The following SACM1L variants were observed in gnomAD, a reference collection of about 807,000 sequenced individuals.
SACM1L encodes the protein phosphatidylinositol-3-phosphatase SAC1.
A neutral mutation model predicts 89.5 loss-of-function variants in SACM1L; 32 were observed. The observed-to-expected ratio is 0.36, with a 90% CI of 0.27 to 0.48. The LOEUF is 0.48. SACM1L is among the 20% of genes least tolerant of loss of function. The pLI, the probability that SACM1L is intolerant of heterozygous loss-of-function variation, is 0.99. For missense variants in SACM1L, 543 were observed against 708.5 expected (o/e 0.77, Z 2.65); for synonymous variants, 213 against 232.8 (o/e 0.92, Z 0.77).
chr3:45,738,866 T>C lies in SACM1L; in HGVS notation c.1562T>C (p.Phe521Ser). 1 of 1,598,076 alleles carries C rather than the reference T, an allele frequency of 6.3e-7. No homozygotes were observed. Among genetic ancestry groups the C allele is most frequent in the Non-Finnish European group, 8.6e-7 (1 of 1,167,938 alleles). ...TTAAGTGTTCCAAGGGACTGGAAAT[T>C]CCTGGCTGTAAGAAACCATTTTGTA... ...SPLSVPRDWK[F>S]LALPIIMVVA... Residue 521 changes from phenylalanine (F) to serine (S), a missense_variant, in exon 18 of 20, where the codon TTC (phenylalanine) becomes TCC (serine). Around this residue, in one of 2 missense-constraint regions of SACM1L, gnomAD observed 370 missense variants for 527.6 expected, o/e 0.70. Transcript: ENST00000389061.
intron 1 of SACM1L, among the ~76,000 whole-genome samples, chr3:45,698,665 C>T (rs1463101908): frequency 1.3e-5 from 2 of 152,220 alleles, no homozygotes; most frequent in Admixed American, 1.3e-4. Flanking sequence ...ATTCTCCTGC[C>T]TCAGCCTCCT....
At chr3:45,735,095 C>T (rs1699170178) in intron 13 of SACM1L, 140 bp from the exon 14 acceptor site, 3 of 803,050 alleles carry the variant, frequency 3.7e-6, no homozygotes, top group African/African-American at 1.8e-5. Context: ...ATCACATATG[C>T]CTGACCACAC....
chr3:45,706,995 A>G, intron 4 of SACM1L, 88 bp downstream of exon 4: 2 of 1,244,962 alleles, frequency 1.6e-6, no homozygotes, highest in South Asian at 1.3e-5. Flanking sequence ...TGGAATACAA[A>G]GAATGCTATA....
intron 3 of SACM1L, 110 bp from the exon 4 acceptor site, chr3:45,706,670 A>G (rs1211785794): frequency 5.9e-6 from 5 of 845,138 alleles, no homozygotes; most frequent in Admixed American, 2.9e-5. Context: ...TCTGAGTGGC[A>G]CAATATAGTC....
At chr3:45,743,489 T>C in intron 19 of SACM1L, 44 bp from the exon 20 acceptor site, 6 of 1,570,182 alleles carry the variant, frequency 3.8e-6, no homozygotes, top group East Asian at 2.3e-5. Flanking sequence ...GGGTCTGATA[T>C]CAACAAACGA....
Position 45,706,927 on chromosome 3 carries a change from A to T in SACM1L, c.333+20A>T, listed in dbSNP as rs1698411245. On this transcript the variant is annotated intron_variant, in intron 4 of 19. Coordinates refer to ENST00000389061, the MANE Select transcript of SACM1L (RefSeq NM_014016.5). ...ATTCAGGTAAGAACTGGAAATTGTTACTAATTGCAGCGCCCAAAGAAGTAG... is the reference window on the plus strand; with the variant it reads ...ATTCAGGTAAGAACTGGAAATTGTTTCTAATTGCAGCGCCCAAAGAAGTAG... 6.2e-7 allele frequency: 1 copy of T among 1,611,434 alleles called. No individual in the cohort carries two copies. The highest frequency in any genetic ancestry group is 1.1e-5 in the South Asian group (1 of 90,854).
chr3:45,734,909 A>T (rs1699167206), intron 13 of SACM1L: 1 of 208,960 alleles, frequency 4.8e-6, no homozygotes, highest in African/African-American at 2.3e-5. Flanking sequence ...TAATTATGTT[A>T]GAGGAAACCC....
intron 4 of SACM1L, among the ~76,000 whole-genome samples, chr3:45,708,278 C>A (rs777048029): frequency 3.9e-5 from 6 of 152,136 alleles, no homozygotes; most frequent in Non-Finnish European, 5.9e-5. Context: ...ATGAAACTTA[C>A]ATGAATGGCA....
chr3:45,727,284 C>T (rs1698943935), intron 11 of SACM1L, among the ~76,000 whole-genome samples: 1 of 152,070 alleles, frequency 6.6e-6, no homozygotes, highest in South Asian at 2.1e-4. Flanking sequence ...ACCAGTGGTT[C>T]AGTATGTTGT....
At chr3:45,741,169 G>A (rs969968687) in intron 19 of SACM1L, among the ~76,000 whole-genome samples, 4 of 152,110 alleles carry the variant, frequency 2.6e-5, no homozygotes, top group African/African-American at 9.7e-5. Context: ...AATTCGTTGA[G>A]CCAACCTCTC....
At chr3:45,705,416 A>T (rs1370630121) in intron 3 of SACM1L, among the ~76,000 whole-genome samples, 1 of 152,126 alleles carries the variant, frequency 6.6e-6, no homozygotes, top group Non-Finnish European at 1.5e-5. Flanking sequence ...ATTTAAAAAA[A>T]AGTTTTGTAT....
intron 5 of SACM1L, among the ~76,000 whole-genome samples, chr3:45,712,301 G>T (rs989942622): frequency 2.0e-5 from 3 of 152,148 alleles, no homozygotes; most frequent in Admixed American, 2.0e-4. Context: ...CTGGAGTGCA[G>T]TGGCACGATC....
intron 7 of SACM1L, among the ~76,000 whole-genome samples, chr3:45,714,468 C>T (rs968931225): frequency 6.6e-6 from 1 of 152,090 alleles, no homozygotes. Context: ...TGGTGGCTTG[C>T]ACCTCTAGTC....
chr3:45,715,173 A>C (rs1034876674), intron 7 of SACM1L, among the ~76,000 whole-genome samples: 1 of 152,230 alleles, frequency 6.6e-6, no homozygotes, highest in Admixed American at 6.5e-5. Flanking sequence ...CATTTCTCAG[A>C]ATGTACCCCT....
intron 1 of SACM1L, among the ~76,000 whole-genome samples, chr3:45,697,990 T>C (rs935657389): frequency 1.3e-5 from 2 of 152,220 alleles, no homozygotes; most frequent in African/African-American, 4.8e-5. Flanking sequence ...GCTTGTTTGG[T>C]AAAGATTTAA....
chr3:45,714,900 G>T (rs530358068), intron 7 of SACM1L, among the ~76,000 whole-genome samples: 32 of 152,288 alleles, frequency 2.1e-4, no homozygotes, highest in African/African-American at 7.5e-4. Context: ...TGACATTTCA[G>T]TCGGTGACAG....
At chr3:45,728,790 AG>A (rs926248867) in intron 11 of SACM1L, among the ~76,000 whole-genome samples, 1 of 152,184 alleles carries the variant, frequency 6.6e-6, no homozygotes, top group African/African-American at 2.4e-5. Flanking sequence ...CTCCCACTTC[AG>A]CTTCCTGAGC....
At chr3:45,714,202 G>T in intron 7 of SACM1L, 123 bp downstream of exon 7, 2 of 474,088 alleles carry the variant, frequency 4.2e-6, no homozygotes, top group Non-Finnish European at 7.0e-6. Flanking sequence ...AATATAAATT[G>T]CTGTTGATAA....
chr3:45,720,239 T>C (rs1698757383), intron 8 of SACM1L, among the ~76,000 whole-genome samples: 1 of 152,142 alleles, frequency 6.6e-6, no homozygotes, highest in South Asian at 2.1e-4. Flanking sequence ...AAGAATAACA[T>C]TGAGTGAGTG....
Sources: gnomAD v4.1 joint callset for allele counts (sites outside exome capture counted in the v4.1 genomes callset) on GRCh38, gnomAD v4.1.1 for gene constraint, gnomAD v4.1.1 regional missense constraint, MANE v1.5 for transcripts, NCBI Gene and HGNC (gene_info 2026-07-23, HGNC 2026-07-21) for gene names.